Variants in SH3BGR observed in about 807,000 individuals in gnomAD.
The protein encoded by SH3BGR is SH3 domain-binding glutamic acid-rich protein.
In SH3BGR, 29 loss-of-function variants were observed where a neutral mutation model predicts 24.5. That is an observed-to-expected ratio of 1.18 (90% CI 0.88 to 1.61). The LOEUF is 1.61. SH3BGR is among the 40% of genes most tolerant of loss of function. The probability of loss-of-function intolerance (pLI) is 0.00; values close to 1 mark genes in which losing one functional copy is unlikely to be tolerated. For synonymous variants in SH3BGR, 55 were observed against 65.7 expected (o/e 0.84, Z 0.79); for missense variants, 162 against 205.8 (o/e 0.79, Z 1.30).
intron 2 of SH3BGR, among the ~76,000 whole-genome samples, chr21:39,464,970 C>T (rs186669876): frequency 1.5e-3 from 234 of 151,980 alleles, no homozygotes; most frequent in East Asian, 0.014. Flanking sequence ...AATTATTCCC[C>T]TCCATTTCTA....
chr21:39,468,811 T>G (rs1467691719), intron 2 of SH3BGR, among the ~76,000 whole-genome samples: 1 of 152,214 alleles, frequency 6.6e-6, no homozygotes, highest in Non-Finnish European at 1.5e-5. Flanking sequence ...ATGACACATG[T>G]GTTCCCATTG....
chr21:39,488,617 G>C (rs1318557716), intron 3 of SH3BGR: 1 of 286,812 alleles, frequency 3.5e-6, no homozygotes, highest in Non-Finnish European at 7.0e-6. Context: ...GGATTATATG[G>C]AAGGTCTTTG....
intron 5 of SH3BGR, among the ~76,000 whole-genome samples, 180 bp downstream of exon 5, chr21:39,509,207 G>A (rs907295498): frequency 1.3e-5 from 2 of 152,156 alleles, no homozygotes; most frequent in African/African-American, 2.4e-5. Flanking sequence ...AAGTTTGTCC[G>A]AGGGAGGTGG....
chr21:39,449,206 T>C (rs1265141448), upstream of SH3BGR, among the ~76,000 whole-genome samples: 2 of 152,240 alleles, frequency 1.3e-5, no homozygotes, highest in Non-Finnish European at 2.9e-5. Flanking sequence ...TTGCTCAGTA[T>C]GTATGTAAGG....
chr21:39,459,998 G>A (rs1264662676), intron 1 of SH3BGR, among the ~76,000 whole-genome samples: 1 of 152,220 alleles, frequency 6.6e-6, no homozygotes, highest in African/African-American at 2.4e-5. Context: ...TTTGAAGAAA[G>A]AAAATTGTAA....
At chr21:39,483,965 C>T (rs1001942402) in intron 3 of SH3BGR, among the ~76,000 whole-genome samples, 3 of 152,012 alleles carry the variant, frequency 2.0e-5, no homozygotes, top group Non-Finnish European at 4.4e-5. Flanking sequence ...TACACTAAGG[C>T]AATGAAATTT....
chr21:39,508,570 G>C (rs1045662031), intron 4 of SH3BGR, among the ~76,000 whole-genome samples: 4 of 152,194 alleles, frequency 2.6e-5, no homozygotes, highest in Non-Finnish European at 5.9e-5. Context: ...TTATTAACTT[G>C]TTCAAACCTG....
intron 3 of SH3BGR, among the ~76,000 whole-genome samples, chr21:39,484,538 G>A (rs994666679): frequency 3.3e-5 from 5 of 151,988 alleles, no homozygotes; most frequent in East Asian, 1.9e-4. Flanking sequence ...TCTAATCTCC[G>A]TTTTTAGATC....
At position 39,511,033 on chromosome 21, in the gene SH3BGR, G is replaced by A. The variant is rs1251757328; in HGVS notation, c.436-647G>A. Among the ~76,000 whole-genome samples the A allele has an allele frequency of 1.3e-5, 2 of 149,718 alleles. No individual in the cohort carries two copies. Among genetic ancestry groups the A allele is most frequent in the Non-Finnish European group, 3.0e-5 (2 of 67,682 alleles). The stretch of plus-strand genomic sequence containing the variant: ...ACACTTAGGTGGGATTATAAAACCT[G>A]TTAGGATTAACATATCATTCTAAAG... On this transcript the variant is annotated intron_variant, in intron 5 of 6. Coordinates refer to ENST00000333634, the MANE Select transcript of SH3BGR (RefSeq NM_007341.3). This position sits in a 1 kb window ranked among gnomAD's most constrained non-coding sequence, Gnocchi z 4.2.
At chr21:39,494,121 A>G (rs1448465967) in intron 3 of SH3BGR, among the ~76,000 whole-genome samples, 1 of 152,170 alleles carries the variant, frequency 6.6e-6, no homozygotes, top group African/African-American at 2.4e-5. Flanking sequence ...CATTGCCATC[A>G]TATGCATCCA....
Position 39,510,087 on chromosome 21 carries a change from C to T in SH3BGR, c.435+1060C>T, listed in dbSNP as rs1446155845. 6.9e-5 allele frequency among the ~76,000 whole-genome samples: 10 copies of T among 145,542 alleles called. 1 individual carries two copies. Among genetic ancestry groups the T allele is most frequent in the African/African-American group, 1.6e-4 (6 of 37,336 alleles). On this transcript the variant is annotated intron_variant, in intron 5 of 6. Coordinates refer to ENST00000333634, the MANE Select transcript of SH3BGR (RefSeq NM_007341.3). The stretch of plus-strand genomic sequence containing the variant: ...CCTCCCGAGTAGCTGGGACTACAGG[C>T]GCCCGCCACCGCGCCCGGCTAATTT...
At chr21:39,458,561 C>T (rs1021965314) in intron 1 of SH3BGR, among the ~76,000 whole-genome samples, 1 of 151,842 alleles carries the variant, frequency 6.6e-6, no homozygotes, top group Non-Finnish European at 1.5e-5. Context: ...TGGTCTCAAA[C>T]TCCTGACCTC....
chr21:39,481,406 C>T (rs1402731403), intron 3 of SH3BGR, among the ~76,000 whole-genome samples: 2 of 152,150 alleles, frequency 1.3e-5, no homozygotes, highest in African/African-American at 4.8e-5. Context: ...CATATAATAG[C>T]ATTAATAGAT....
chr21:39,451,821 G>T, upstream of SH3BGR: 2 of 1,423,190 alleles, frequency 1.4e-6, no homozygotes, highest in Non-Finnish European at 9.7e-7. Flanking sequence ...ATAGGGAAAG[G>T]GTCCAGTGGC....
chr21:39,508,864 T>G, intron 4 of SH3BGR, 134 bp from the exon 5 acceptor site: 1 of 593,690 alleles, frequency 1.7e-6, no homozygotes, highest in Non-Finnish European at 2.9e-6. Context: ...GCTATTTACT[T>G]ATTTTATGGA....
chr21:39,492,663 G>T (rs2078325217), intron 3 of SH3BGR, among the ~76,000 whole-genome samples: 1 of 152,066 alleles, frequency 6.6e-6, no homozygotes, highest in African/African-American at 2.4e-5. Flanking sequence ...TGGATCAAAT[G>T]GTAGTTCTAC....
intron 3 of SH3BGR, chr21:39,491,404 C>T: frequency 6.4e-6 from 1 of 156,468 alleles, no homozygotes; most frequent in Non-Finnish European, 1.4e-5. Flanking sequence ...CCCGCCTTGG[C>T]CTCCCAAAGT....
At chr21:39,508,011 C>T (rs1214801091) in intron 4 of SH3BGR, among the ~76,000 whole-genome samples, 1 of 152,216 alleles carries the variant, frequency 6.6e-6, no homozygotes, top group Non-Finnish European at 1.5e-5. Flanking sequence ...AGTAGACTTG[C>T]AGTGAGTCCT....
At chr21:39,487,432 C>A (rs1400068958) in intron 3 of SH3BGR, among the ~76,000 whole-genome samples, 1 of 152,182 alleles carries the variant, frequency 6.6e-6, no homozygotes, top group African/African-American at 2.4e-5. Context: ...CAGGTGTGAG[C>A]CATCATGCCT....
Sources: allele counts gnomAD v4.1 joint callset (sites outside exome capture counted in the v4.1 genomes callset), GRCh38; gene constraint gnomAD v4.1.1; non-coding constraint Gnocchi (gnomAD v3.1); transcripts MANE v1.5; gene names NCBI Gene and HGNC (gene_info 2026-07-23, HGNC 2026-07-21).